NLRP2: variants seen among roughly 807,000 people sequenced by gnomAD.
The protein encoded by NLRP2 is NLR family pyrin domain containing 2.
In NLRP2, 107 loss-of-function variants were observed where a neutral mutation model predicts 97.2. The observed-to-expected ratio is 1.10, with a 90% confidence interval of 0.94 to 1.29. The LOEUF is 1.29. Among genes scored for constraint, NLRP2 ranks in the 50% most tolerant of loss-of-function variants. The pLI is 0.00. For missense variants in NLRP2, 1,495 were observed against 1,330.3 expected, an observed-to-expected ratio of 1.12 and a Z score of -1.93; for synonymous variants, 663 against 551.5, an observed-to-expected ratio of 1.20 and a Z score of -2.83.
intron 7 of NLRP2, among the ~76,000 whole-genome samples, chr19:54,985,522 A>G (rs1476337356): frequency 2.0e-5 from 3 of 151,770 alleles, no homozygotes; most frequent in African/African-American, 7.3e-5. Context: ...TACTAAAAAT[A>G]CAAAAATTAT....
At chr19:54,969,634 T>C (rs2070716167) in intron 1 of NLRP2, among the ~76,000 whole-genome samples, 1 of 152,126 alleles carries the variant, frequency 6.6e-6, no homozygotes, top group Non-Finnish European at 1.5e-5. Context: ...CAGCCTGGGC[T>C]GCAGAGTGAA....
At chr19:54,985,570 T>C (rs2072001957) in intron 7 of NLRP2, among the ~76,000 whole-genome samples, 1 of 143,348 alleles carries the variant, frequency 7.0e-6, no homozygotes, top group Admixed American at 7.3e-5. Flanking sequence ...ATCAGCTACT[T>C]GGGAGGCTGA....
Position 54,982,669 on chromosome 19 carries a change from G to A in NLRP2, c.971G>A (p.Arg324Lys), listed in dbSNP as rs2071675207. ...VPVLLGSLLN[R>K]VMLPKAALLV... Reference sequence around the variant, plus strand: ...GTCCTCCTGGGGAGTTTGCTGAACAGGGTGATGTTACCCAAGGCCGCCCTG... The same window carrying A: ...GTCCTCCTGGGGAGTTTGCTGAACAAGGTGATGTTACCCAAGGCCGCCCTG... The change falls in exon 6 of 13, where the codon AGG (arginine) becomes AAG (lysine). Residue 324 changes from arginine to lysine, a missense_variant. Transcript: ENST00000448584. The A allele has an allele frequency of 1.2e-6, 2 of 1,614,158 alleles. No individual in the cohort carries two copies. The highest frequency in any genetic ancestry group is 2.2e-5 in the East Asian group (1 of 44,880).
chr19:54,970,317 C>A (rs200804983), intron 2 of NLRP2, 22 bp downstream of exon 2: 2 of 1,613,486 alleles, frequency 1.2e-6, no homozygotes, highest in East Asian at 2.2e-5. Flanking sequence ...TCGGTCCACA[C>A]TGTGTCCTAG....
chr19:54,979,927 C>T (rs2071467463), intron 4 of NLRP2, among the ~76,000 whole-genome samples: 1 of 152,034 alleles, frequency 6.6e-6, no homozygotes, highest in South Asian at 2.1e-4. Context: ...CAGGTGTGTG[C>T]CACCACGCCC....
At chr19:54,996,320 A>C (rs975752478) in intron 11 of NLRP2, among the ~76,000 whole-genome samples, 3 of 151,948 alleles carry the variant, frequency 2.0e-5, no homozygotes. Context: ...TGTCTCTACT[A>C]AAGAGACAGG....
At chr19:54,990,305 T>C (rs983184798) in intron 9 of NLRP2, 113 bp downstream of exon 9, 1 of 1,232,748 alleles carries the variant, frequency 8.1e-7, no homozygotes, top group Non-Finnish European at 1.2e-6. Context: ...GAACACCTGT[T>C]CCCATGTTTA....
At chr19:54,967,821 T>C (rs1051614033) in intron 1 of NLRP2, among the ~76,000 whole-genome samples, 2 of 152,060 alleles carry the variant, frequency 1.3e-5, no homozygotes, top group Non-Finnish European at 1.5e-5. Context: ...CTGAGTCTTA[T>C]GCAAATACCT....
chr19:54,985,007 GAC>G (rs2071954407), intron 6 of NLRP2, 38 bp from the exon 7 acceptor site: 2 of 1,603,542 alleles, frequency 1.2e-6, no homozygotes, highest in East Asian at 2.2e-5. Flanking sequence ...AGCCGTGATG[GAC>G]ACACATTTGG....
Position 54,986,948 on chromosome 19 carries a change from G to T in NLRP2, c.2366+633G>T, listed in dbSNP as rs188106418. Among the ~76,000 whole-genome samples the T allele has an allele frequency of 6.2e-3, 938 of 152,020 alleles. 6 individuals carry two copies. Among genetic ancestry groups the T allele is most frequent in the Non-Finnish European group, 9.7e-3 (660 of 67,978 alleles). ...CACCCAGGCTGGAGTGCGTTGGTAT[G>T]ATCTCAGGTCACTGCAGCCTCCACC... On this transcript the variant is annotated intron_variant, in intron 8 of 12. Transcript: ENST00000448584.
intron 11 of NLRP2, among the ~76,000 whole-genome samples, chr19:54,996,037 C>CAAAAAAAAAAAAAAAAAAA (rs544759995): frequency 8.2e-5 from 6 of 73,352 alleles, no homozygotes; most frequent in African/African-American, 2.8e-4. Flanking sequence ...GATCCTGTCT[C>CAAAAAAAAAAAAAAAAAAA]AAAAAAAAAA....
intron 3 of NLRP2, among the ~76,000 whole-genome samples, chr19:54,977,484 AGTTTGTGT>A (rs1163349816): frequency 1.5e-5 from 1 of 64,646 alleles, no homozygotes; most frequent in African/African-American, 6.1e-5. Flanking sequence ...ATGCGTGAGT[AGTTTGTGT>A]GTGTGTGTGT....
At chr19:54,992,549 G>C (rs866178738) in intron 10 of NLRP2, among the ~76,000 whole-genome samples, 13 of 80,540 alleles carry the variant, frequency 1.6e-4, no homozygotes, top group Admixed American at 4.5e-4. Flanking sequence ...GGGGGGGGGG[G>C]GGTTTTCTTT....
At chr19:54,999,363 TCTCGAA>T (rs778406377) in intron 12 of NLRP2, among the ~76,000 whole-genome samples, 5 of 152,136 alleles carry the variant, frequency 3.3e-5, no homozygotes, top group Non-Finnish European at 7.4e-5. Flanking sequence ...GTCAGGCTGG[TCTCGAA>T]CTCCTGACTT....
chr19:54,998,346 A>G (rs1039856862), intron 12 of NLRP2, among the ~76,000 whole-genome samples: 8 of 152,034 alleles, frequency 5.3e-5, no homozygotes, highest in Non-Finnish European at 1.2e-4. Flanking sequence ...CATGGCATCA[A>G]AGAACCAAGA....
rs1435418071 is a variant in NLRP2, at chr19:54,990,570, A to G, written c.2606A>G (p.Glu869Gly). ...GCTGCTGTGTTGGTTGTCAGCCGGG[A>G]GCTGACACACCTGTGCTTGGCCAAG... ...DLAAVLVVSR[E>G]LTHLCLAKNP... The change falls in exon 10 of 13, where the codon GAG becomes GGG. Residue 869 changes from glutamate to glycine, a missense_variant. Physicochemically the swap from Glu to Gly is moderately conservative, Grantham distance 98. Coordinates refer to ENST00000448584, the MANE Select transcript of NLRP2 (RefSeq NM_017852.5). 3 of 1,613,992 alleles carry G rather than the reference A, an allele frequency of 1.9e-6. No homozygotes were observed. Among genetic ancestry groups the G allele is most frequent in the Non-Finnish European group, 2.5e-6 (3 of 1,179,916 alleles).
chr19:54,981,524 C>CCCCCCCCCCCCA, intron 4 of NLRP2, 93 bp from the exon 5 acceptor site: 1 of 450,130 alleles, frequency 2.2e-6, no homozygotes, highest in Non-Finnish European at 4.5e-6. Context: ...CCCTCCCCCC[C>CCCCCCCCCCCCA]GCCCCATCAG....
rs1417645862 is a variant in NLRP2 at position 54,982,228 on chromosome 19, G to T, written c.530G>T (p.Gly177Val). 3.1e-6 allele frequency: 5 copies of T among 1,614,004 alleles called. No individual in the cohort carries two copies. The highest frequency in any genetic ancestry group is 4.2e-6 in the Non-Finnish European group (5 of 1,180,048). The change falls in exon 6 of 13, where the codon GGA becomes GTA. Residue 177 changes from glycine to valine, a missense_variant. By Grantham distance (109) the Gly-to-Val change is moderately radical (BLOSUM62 -3). Transcript: ENST00000448584. ...CGGGAGATGTGGAAGAGCTGGCCTG[G>T]AGATAGCAAAGAGGTCCAGGTTATG... ...KFREMWKSWP[G>V]DSKEVQVMAE... is the part of the protein sequence containing the mutation.
intron 6 of NLRP2, 45 bp downstream of exon 6, chr19:54,983,773 T>A: frequency 6.2e-7 from 1 of 1,600,626 alleles, no homozygotes; most frequent in Non-Finnish European, 8.5e-7. Context: ...TTTAGCCTCA[T>A]CCCATGCCCC....
Sources: gnomAD v4.1 joint callset for allele counts (sites outside exome capture counted in the v4.1 genomes callset) on GRCh38, gnomAD v4.1.1 for gene constraint, MANE v1.5 for transcripts, NCBI Gene and HGNC (gene_info 2026-07-23, HGNC 2026-07-21) for gene names.